The following RGN variants were observed in gnomAD, a reference collection of about 807,000 sequenced individuals.
RGN encodes regucalcin.
A neutral mutation model predicts 20.6 loss-of-function variants in RGN; 19 were observed. That is an observed-to-expected ratio of 0.92 (90% confidence interval 0.64 to 1.35). The LOEUF is 1.35. Ranked by LOEUF, RGN falls within the 40% of genes most tolerant of loss-of-function variation. The pLI, the probability that RGN is intolerant of heterozygous loss-of-function variation, is 0.00. For missense variants in RGN, 302 were observed against 232.7 expected (o/e 1.30, Z -1.94); for synonymous variants, 85 against 87.2 (o/e 0.97, Z 0.14).
chrX:47,083,057 C>A lies in RGN; in HGVS notation c.164-1361C>A, dbSNP rs950763208. On this transcript the variant is annotated intron_variant, in intron 3 of 7. Coordinates refer to ENST00000397180, the MANE Select transcript of RGN (RefSeq NM_152869.4). ...TAAATTTATTTCCTGTGACCATTCA[C>A]CACAGCAATCAATCTCTCCACTTAA... 2.7e-5 allele frequency among the ~76,000 whole-genome samples: 3 copies of A among 110,783 alleles called. No individual in the cohort carries two copies. In the South Asian group the frequency reaches 1.1e-3, roughly 42 times the overall value.
intron 3 of RGN, among the ~76,000 whole-genome samples, chrX:47,083,863 G>C (rs781975254): frequency 5.6e-5 from 6 of 107,636 alleles, no homozygotes; most frequent in South Asian, 4.2e-4. Context: ...AGTGAGTTGA[G>C]ATTGCACCAT....
intron 5 of RGN, among the ~76,000 whole-genome samples, chrX:47,090,297 C>G (rs552746234): frequency 3.6e-5 from 4 of 111,087 alleles, no homozygotes; most frequent in African/African-American, 1.3e-4. Context: ...CCATCATCAC[C>G]AGAAAGAGGT....
chrX:47,090,529 G>A (rs781947635), intron 5 of RGN, among the ~76,000 whole-genome samples: 16 of 110,005 alleles, frequency 1.5e-4, no homozygotes, highest in Non-Finnish European at 2.1e-4. Flanking sequence ...CCATCAATAC[G>A]CTTGAAAGGA....
chrX:47,086,740 A>AGG (rs1930607795), intron 4 of RGN, among the ~76,000 whole-genome samples: 3 of 58,669 alleles, frequency 5.1e-5, no homozygotes, highest in Admixed American at 1.6e-4. Context: ...AACAGGAGAG[A>AGG]GAGAGAGAGA....
At position 47,091,882 on chromosome X, in the gene RGN, T is replaced by C. The variant is rs1185603307; in HGVS notation, c.694+73T>C. The C allele has an allele frequency of 3.4e-5, 38 of 1,128,120 alleles. No individual in the cohort carries two copies. The East Asian group carries it at 1.1e-3, about 32-fold the overall frequency. 93.0% of individuals were successfully genotyped at this position (1,128,120 alleles called of 1,213,427 possible). ...TATAGCCCGAAAGTTACAGTCAGAA[T>C]TTCTTTTCCTGTAGAGGTGCGACTT... On this transcript the variant is annotated intron_variant, in intron 6 of 7. Coordinates refer to ENST00000397180, the MANE Select transcript of RGN (RefSeq NM_152869.4).
At chrX:47,083,342 T>C (rs1343641100) in intron 3 of RGN, among the ~76,000 whole-genome samples, 2 of 107,213 alleles carry the variant, frequency 1.9e-5, no homozygotes, top group Non-Finnish European at 3.8e-5. Context: ...GAGGTTGCAG[T>C]GAGTCAAGAT....
chrX:47,085,732 C>T (rs1311480212), intron 4 of RGN, among the ~76,000 whole-genome samples: 2 of 111,437 alleles, frequency 1.8e-5, no homozygotes, highest in Non-Finnish European at 3.8e-5. Flanking sequence ...ATCCTCACAC[C>T]TCTTCCTCCC....
At chrX:47,091,853 G>A in intron 6 of RGN, 44 bp downstream of exon 6, 1 of 1,180,142 alleles carries the variant, frequency 8.5e-7, no homozygotes, top group South Asian at 1.9e-5. Context: ...TGGCTAGGCA[G>A]AGATATAGCC....
rs113603034 is a variant in RGN at position 47,093,192 on chromosome X, C to G, written c.*245C>G. On this transcript the variant is annotated 3_prime_UTR_variant, in exon 8 of 8. Coordinates refer to ENST00000397180, the MANE Select transcript of RGN (RefSeq NM_152869.4). ...GGCGAAGAATCGTTCAACTGTCAATCAGCCTCTTGATTCTTTGTAAATTGC... is the reference window on the plus strand; with the variant it reads ...GGCGAAGAATCGTTCAACTGTCAATGAGCCTCTTGATTCTTTGTAAATTGC... The G allele has an allele frequency of 1.3e-3, 475 of 363,122 alleles. No individual in the cohort carries two copies. The highest frequency in any genetic ancestry group is 9.3e-3 in the African/African-American group (359 of 38,412). 29.9% of individuals were successfully genotyped at this position (363,122 alleles called of 1,213,427 possible).
At position 47,091,787 on chromosome X, in the gene RGN, GA is replaced by G; in HGVS notation, c.673del (p.Ile225PhefsTer3). 8.3e-7 allele frequency: 1 copy of G among 1,210,139 alleles called. No homozygotes were observed. Among genetic ancestry groups the G allele is most frequent in the Non-Finnish European group, 1.1e-6 (1 of 894,951 alleles). On this transcript the variant is annotated frameshift_variant, in exon 6 of 8. Coordinates refer to ENST00000397180, the MANE Select transcript of RGN (RefSeq NM_152869.4). LOFTEE classifies it high-confidence loss of function. ...TGGCCTGTTACAATGGAGGAAGAGT[GA>G]TTCGTTTAGATCCTGTGACAGGTAG... ...WVACYNGGRV[I>X]RLDPVTGKRL... is the part of the protein sequence containing the mutation.
rs781935920 is a variant in RGN, at chrX:47,086,734, G to GGAGAGAGAGAGAGAGAGA, written c.346+2167_346+2184dup. ...GCTGCCCCTAGAACCAGTGATAACA[G>GGAGAGAGAGAGAGAGAGA]GAGAGAGAGAGAGAGAGAGAGAGAG... On this transcript the variant is annotated intron_variant, in intron 4 of 7. Coordinates refer to ENST00000397180, the MANE Select transcript of RGN (RefSeq NM_152869.4). 7.9e-3 allele frequency among the ~76,000 whole-genome samples: 401 copies of GGAGAGAGAGAGAGAGAGA among 50,482 alleles called. 9 individuals are homozygous for GGAGAGAGAGAGAGAGAGA. Among genetic ancestry groups the GGAGAGAGAGAGAGAGAGA allele is most frequent in the Middle Eastern group, 0.017 (1 of 60 alleles). The allele number at this position is 50,482 out of a possible 115,157, so 43.8% of individuals were successfully genotyped here.
chrX:47,086,765 GAGA>G (rs2147017563), intron 4 of RGN, among the ~76,000 whole-genome samples: 1 of 105,218 alleles, frequency 9.5e-6, no homozygotes, highest in South Asian at 4.3e-4. Context: ...GAGAGAGAGA[GAGA>G]GAGAGAGAGA....
intron 7 of RGN, 113 bp from the exon 8 acceptor site, chrX:47,092,784 A>G (rs1931070326): frequency 1.7e-6 from 1 of 597,489 alleles, no homozygotes; most frequent in African/African-American, 2.2e-5. Context: ...ATGATAGGAG[A>G]TAAAACAAAG....
chrX:47,092,199 C>A lies in RGN; in HGVS notation c.833C>A (p.Ala278Asp). The A allele has an allele frequency of 8.5e-7, 1 of 1,179,336 alleles. No individual in the cohort carries two copies. The highest frequency in any genetic ancestry group is 2.5e-5 in the Admixed American group (1 of 40,698). Residue 278 changes from alanine to aspartate, a missense_variant, in exon 7 of 8, where the codon GCT becomes GAT. Ala to Asp is a moderately radical substitution (Grantham distance 126, BLOSUM62 -2). Transcript: ENST00000397180. ...DPEGLLRQPE[A>D]GGIFKITGLG... ...GAGGGTCTTTTGAGGCAACCTGAAG[C>A]TGGTGGAATTTTCAAGGTGATATGG...
intron 3 of RGN, 141 bp downstream of exon 3, chrX:47,081,448 C>G: frequency 2.1e-6 from 1 of 486,816 alleles, no homozygotes; most frequent in South Asian, 4.0e-5. Flanking sequence ...CCACTTTGAC[C>G]CAGGGTTTAA....
At position 47,079,672 on chromosome X, in the gene RGN, C is replaced by T. The variant is rs782480636; in HGVS notation, c.-635-645C>T. 4.5e-5 allele frequency among the ~76,000 whole-genome samples: 5 copies of T among 110,592 alleles called. No homozygotes were observed. In the Admixed American group the frequency reaches 4.8e-4, roughly 11 times the overall value. On this transcript the variant is annotated intron_variant, in intron 1 of 7. Coordinates refer to ENST00000397180, the MANE Select transcript of RGN (RefSeq NM_152869.4). ...GGTCTTGAACTCCTGACCTCATGATCCACCCAGCTCGGCCTCCCAAAGTGC... is the reference window on the plus strand; with the variant it reads ...GGTCTTGAACTCCTGACCTCATGATTCACCCAGCTCGGCCTCCCAAAGTGC...
intron 4 of RGN, among the ~76,000 whole-genome samples, chrX:47,088,947 AG>A (rs1428099135): frequency 0.021 from 1,514 of 72,023 alleles, 80 homozygotes; most frequent in African/African-American, 0.057. Flanking sequence ...AAAAAAAAAA[AG>A]AAGAAGAAGA....
intron 4 of RGN, among the ~76,000 whole-genome samples, chrX:47,086,763 GAGAGAGAGAGAGAGAGAGAGAA>G (rs1362190055): frequency 1.9e-5 from 2 of 106,284 alleles, no homozygotes; most frequent in Non-Finnish European, 3.9e-5. Flanking sequence ...GAGAGAGAGA[GAGAGAGAGAGAGAGAGAGAGAA>G]AGAGAGAGAG....
chrX:47,089,600 C>CTTTTTAT (rs1569540581), intron 4 of RGN, among the ~76,000 whole-genome samples, 176 bp from the exon 5 acceptor site: 2 of 15,001 alleles, frequency 1.3e-4, no homozygotes, highest in East Asian at 3.2e-3. Flanking sequence ...TATATATATA[C>CTTTTTAT]ACACACACAC....
Sources: allele counts gnomAD v4.1 joint callset (sites outside exome capture counted in the v4.1 genomes callset), GRCh38; gene constraint gnomAD v4.1.1; transcripts MANE v1.5; gene names NCBI Gene and HGNC (gene_info 2026-07-23, HGNC 2026-07-21).